TLR7: variants seen among roughly 807,000 people sequenced by gnomAD.
TLR7 encodes toll like receptor 7, also known as toll-like receptor 7.
A neutral mutation model predicts 38.3 loss-of-function variants in TLR7; 12 were observed. The ratio of observed to expected loss-of-function variants is 0.31; its 90% CI spans 0.20 to 0.51. The LOEUF (loss-of-function observed/expected upper bound fraction) is 0.51, where lower values mean the gene tolerates loss of function less well. TLR7 is among the 20% of genes least tolerant of loss of function. TLR7 has a pLI of 0.98. For synonymous variants in TLR7, 285 were observed against 293.8 expected (o/e 0.97, Z 0.31); for missense variants, 504 against 743.4 (o/e 0.68, Z 3.74).
At position 12,886,670 on chromosome X, in the gene TLR7, T is replaced by C. The variant is rs778485716; in HGVS notation, c.1162T>C (p.Phe388Leu). The C allele has an allele frequency of 5.8e-6, 7 of 1,212,006 alleles. No homozygotes were observed. In the Admixed American group the frequency reaches 1.5e-4, roughly 26 times the overall value. Reference protein sequence around the residue: ...RGYVFKELKSFNLSPLHNLQN... With the variant: ...RGYVFKELKSLNLSPLHNLQN... ...ATATGTCTTTAAAGAGTTGAAAAGC[T>C]TTAACCTCTCGCCATTACATAATCT... The change falls in exon 3 of 3, where the codon TTT becomes CTT. Residue 388 changes from phenylalanine (F) to leucine (L), a missense_variant. By Grantham distance (22) the Phe-to-Leu change is conservative (BLOSUM62 0). Transcript: ENST00000380659.
At chrX:12,870,646 C>T (rs778103951) in intron 2 of TLR7, among the ~76,000 whole-genome samples, 1 of 111,565 alleles carries the variant, frequency 9.0e-6, no homozygotes, top group South Asian at 3.7e-4. Context: ...CTGTACAGCT[C>T]ATGAGCTAAG....
chrX:12,879,687 G>A (rs916683830), intron 2 of TLR7, among the ~76,000 whole-genome samples: 4 of 111,778 alleles, frequency 3.6e-5, no homozygotes, highest in African/African-American at 1.3e-4. Context: ...CACCGTTTAA[G>A]GACATGTCCC....
Position 12,886,287 on chromosome X carries a change from G to A in TLR7, c.779G>A (p.Cys260Tyr). The change falls in exon 3 of 3, where the codon TGC becomes TAC. Residue 260 changes from cysteine to tyrosine, a missense_variant. By Grantham distance (194) the Cys-to-Tyr change is radical. Coordinates refer to ENST00000380659, the MANE Select transcript of TLR7 (RefSeq NM_016562.4). Reference sequence around the variant, plus strand: ...CAAATTCTTGACCTAAGTGGAAATTGCCCTCGTTGTTATAATGCCCCATTT... The same window carrying A: ...CAAATTCTTGACCTAAGTGGAAATTACCCTCGTTGTTATAATGCCCCATTT... ...QLQILDLSGN[C>Y]PRCYNAPFPC... 8.3e-7 allele frequency: 1 copy of A among 1,211,343 alleles called. No individual in the cohort carries two copies. The highest frequency in any genetic ancestry group is 1.1e-6 in the Non-Finnish European group (1 of 895,141).
At chrX:12,884,463 G>A (rs759051677) in intron 2 of TLR7, among the ~76,000 whole-genome samples, 12 of 112,107 alleles carry the variant, frequency 1.1e-4, no homozygotes, top group Non-Finnish European at 2.1e-4. Flanking sequence ...AAACTTGAGA[G>A]CCAGTCCACG....
chrX:12,880,912 C>T (rs1204637501), intron 2 of TLR7, among the ~76,000 whole-genome samples: 2 of 111,039 alleles, frequency 1.8e-5, no homozygotes, highest in Non-Finnish European at 3.8e-5. Flanking sequence ...TCAGTTGACT[C>T]ATCTGTAAAA....
In TLR7 at chrX:12,888,241, G is replaced by C. The variant is rs200355792; in HGVS notation, c.2733G>C (p.Glu911Asp). 3 of 1,211,683 alleles carry C rather than the reference G, an allele frequency of 2.5e-6. No individual in the cohort carries two copies. In the South Asian group the frequency reaches 5.3e-5, roughly 21 times the overall value. The change falls in exon 3 of 3, where the codon GAG (glutamate) becomes GAC (aspartate). Residue 911 changes from glutamate to aspartate, a missense_variant. Transcript: ENST00000380659. The part of the protein sequence containing the change: ...DPAVTEWVLA[E>D]LVAKLEDPRE... ...CTGTGACCGAGTGGGTTTTGGCTGA[G>C]CTGGTGGCCAAACTGGAAGACCCAA...
chrX:12,869,264 C>A (rs192711156), intron 2 of TLR7, among the ~76,000 whole-genome samples: 38 of 111,662 alleles, frequency 3.4e-4, no homozygotes, highest in African/African-American at 1.2e-3. Context: ...CAAAAAAGCA[C>A]AGGGAAAATA....
rs768835556 is a variant in TLR7, at chrX:12,867,135, A to G, written c.-99+12A>G. On this transcript the variant is annotated intron_variant, in intron 1 of 2. Transcript: ENST00000380659. ...TGCCATCAAGAAAGGTATTTTAAAC[A>G]TTGGAACACATATAGATAATTTAAG... 8.8e-6 allele frequency: 1 copy of G among 113,973 alleles called. No individual in the cohort carries two copies. The highest frequency in any genetic ancestry group is 3.7e-4 in the South Asian group (1 of 2,737). 9.4% of individuals were successfully genotyped at this position (113,973 alleles called of 1,213,427 possible).
chrX:12,886,649 G>A lies in TLR7; in HGVS notation c.1141G>A (p.Val381Ile). ...GAAAATTCTGCGGATCAGAGGATAT[G>A]TCTTTAAAGAGTTGAAAAGCTTTAA... The part of the protein sequence containing the change: ...SLKILRIRGY[V>I]FKELKSFNLS... Residue 381 changes from valine (V) to isoleucine (I), a missense_variant, in exon 3 of 3, where the codon GTC becomes ATC. Val to Ile is a conservative substitution (Grantham distance 29, BLOSUM62 3). Transcript: ENST00000380659. The A allele has an allele frequency of 8.3e-7, 1 of 1,211,810 alleles. No homozygotes were observed. Among genetic ancestry groups the A allele is most frequent in the South Asian group, 1.8e-5 (1 of 56,991 alleles).
intron 2 of TLR7, among the ~76,000 whole-genome samples, chrX:12,872,198 C>T (rs1227365080): frequency 8.9e-6 from 1 of 112,026 alleles, no homozygotes; most frequent in East Asian, 2.8e-4. Context: ...TTACCTATCA[C>T]TGCGTAAGAG....
At chrX:12,877,741 C>T (rs368256768) in intron 2 of TLR7, 4 of 110,879 alleles carry the variant, frequency 3.6e-5, no homozygotes, top group South Asian at 3.9e-4. Context: ...CTCCACTTCC[C>T]GTGCCCTTCC....
chrX:12,870,544 C>T (rs750677626), intron 2 of TLR7, among the ~76,000 whole-genome samples: 69 of 111,799 alleles, frequency 6.2e-4, no homozygotes, highest in Non-Finnish European at 8.3e-4. Flanking sequence ...AGTACCTCTG[C>T]ACCCCAAGAA....
intron 2 of TLR7, among the ~76,000 whole-genome samples, chrX:12,879,099 A>G (rs1397922045): frequency 8.9e-6 from 1 of 111,988 alleles, no homozygotes; most frequent in Non-Finnish European, 1.9e-5. Flanking sequence ...TTTCTCTTGT[A>G]AGACTGCTAA....
chrX:12,878,194 G>A (rs1462946207), intron 2 of TLR7, among the ~76,000 whole-genome samples: 3 of 111,873 alleles, frequency 2.7e-5, no homozygotes, highest in African/African-American at 6.5e-5. Context: ...ATTGGGATAA[G>A]CATTAAATAA....
chrX:12,883,894 C>T (rs1327093864), intron 2 of TLR7, among the ~76,000 whole-genome samples: 2 of 111,479 alleles, frequency 1.8e-5, no homozygotes, highest in African/African-American at 6.5e-5. Flanking sequence ...AAACTTTAGA[C>T]CTGAAAAATC....
At chrX:12,878,173 T>C (rs2042879682) in intron 2 of TLR7, among the ~76,000 whole-genome samples, 2 of 112,040 alleles carry the variant, frequency 1.8e-5, no homozygotes, top group Non-Finnish European at 3.8e-5. Context: ...TAAATGAGCA[T>C]ATCTCTTAGA....
In TLR7 at chrX:12,880,578, G is replaced by A. The variant is rs149252435; in HGVS notation, c.4-4934G>A. Among the ~76,000 whole-genome samples the A allele has an allele frequency of 6.5e-4, 73 of 111,943 alleles. 1 individual carries two copies. The highest frequency in any genetic ancestry group is 2.3e-3 in the African/African-American group (72 of 30,880). On this transcript the variant is annotated intron_variant, in intron 2 of 2. Coordinates refer to ENST00000380659, the MANE Select transcript of TLR7 (RefSeq NM_016562.4). ...TAGAAGAGACAGAAATCTGACCTCT[G>A]CTTAGTCTGGGGGTATAGACTGAAG... is the stretch of plus-strand genomic sequence containing the variant.
At position 12,887,838 on chromosome X, in the gene TLR7, T is replaced by A; in HGVS notation, c.2330T>A (p.Met777Lys). Residue 777 changes from methionine (M) to lysine (K), a missense_variant, in exon 3 of 3, where the codon ATG becomes AAG. Coordinates refer to ENST00000380659, the MANE Select transcript of TLR7 (RefSeq NM_016562.4). ...FPENVLNNLK[M>K]LLLHHNRFLC... is the part of the protein sequence containing the mutation. ...GAAAATGTCCTCAACAATCTGAAGA[T>A]GTTGCTTTTGCATCATAATCGGTTT... 8.3e-7 allele frequency: 1 copy of A among 1,211,732 alleles called. No homozygotes were observed.
chrX:12,869,074 C>T (rs934408881), intron 2 of TLR7, among the ~76,000 whole-genome samples: 5 of 111,530 alleles, frequency 4.5e-5, no homozygotes, highest in African/African-American at 1.6e-4. Flanking sequence ...GGTTAAGGAG[C>T]TTGGGTGGCT....
Sources: gnomAD v4.1 joint callset for allele counts (sites outside exome capture counted in the v4.1 genomes callset) on GRCh38, gnomAD v4.1.1 for gene constraint, MANE v1.5 for transcripts, NCBI Gene and HGNC (gene_info 2026-07-23, HGNC 2026-07-21) for gene names.